Variants in SHANK1 observed in about 807,000 individuals in gnomAD.
SHANK1 encodes SH3 and multiple ankyrin repeat domains 1.
A neutral mutation model predicts 165.6 loss-of-function variants in SHANK1; 35 were observed. The ratio of observed to expected loss-of-function variants is 0.21; its 90% CI spans 0.16 to 0.28. The LOEUF (loss-of-function observed/expected upper bound fraction) is 0.28. Among genes scored for constraint, SHANK1 ranks in the 10% least tolerant of loss-of-function variants. SHANK1 has a pLI of 1.00. For missense variants in SHANK1, 2,681 were observed against 3,036.4 expected (o/e 0.88, Z 2.75); for synonymous variants, 1,428 against 1,384.8 (o/e 1.03, Z -0.69).
intron 19 of SHANK1, among the ~76,000 whole-genome samples, chr19:50,687,346 A>G (rs963743202): frequency 6.6e-5 from 10 of 152,062 alleles, no homozygotes; most frequent in African/African-American, 2.2e-4. Context: ...GGGTACATAC[A>G]GACCCTGAGA....
chr19:50,700,667 GA>G (rs1224486831), intron 12 of SHANK1, among the ~76,000 whole-genome samples: 4 of 152,068 alleles, frequency 2.6e-5, no homozygotes. Context: ...CTTAATGGAA[GA>G]CGAGGATATA....
rs1347899350 is a variant in SHANK1 at position 50,662,218 on chromosome 19, G to A, written c.6233C>T (p.Pro2078Leu). Residue 2078 changes from proline (P) to leucine (L), a missense_variant, in exon 24 of 24, where the codon CCG becomes CTG. Pro to Leu is a moderately conservative substitution (Grantham distance 98, BLOSUM62 -3). Transcript: ENST00000293441. The surrounding 1 kb of genome is among the most constrained non-coding windows in gnomAD (Gnocchi z 7.7). ...ALSGASRSLS[P>L]TRLLSLPPDK... ...CGGGGGCAGCGAGAGCAGGCGGGTC[G>A]GTGAGAGGGAGCGCGAGGCCCCTGA... The A allele has an allele frequency of 5.6e-6, 9 of 1,609,560 alleles. No homozygotes were observed. Among genetic ancestry groups the A allele is most frequent in the East Asian group, 2.2e-5 (1 of 44,774 alleles).
At position 50,662,796 on chromosome 19, in the gene SHANK1, AGGGGGAGAGAC is replaced by A. The variant is rs1389876574; in HGVS notation, c.5769-125_5769-115del. ...GAGAGAGGAGGAGAGACATAAGGGT[AGGGGGAGAGAC>A]GGAGGAGAGACGGGAAGAAATGGAG... is the stretch of plus-strand genomic sequence containing the variant. On this transcript the variant is annotated intron_variant, in intron 23 of 23. Transcript: ENST00000293441. The surrounding 1 kb of genome is among the most constrained non-coding windows in gnomAD (Gnocchi z 7.7). 3.9e-6 allele frequency: 4 copies of A among 1,021,444 alleles called. 1 individual carries two copies. Among genetic ancestry groups the A allele is most frequent in the African/African-American group, 1.8e-5 (1 of 56,756 alleles). The allele number at this position is 1,021,444 out of a possible 1,614,324, so 63.3% of individuals were successfully genotyped here. A position where few individuals can be genotyped will look rare whatever the true frequency, so the allele number is the denominator to read the frequency against.
rs780921290 is a variant in SHANK1 at position 50,716,937 on chromosome 19, A to G, written c.-18T>C. On this transcript the variant is annotated 5_prime_UTR_variant, in exon 2 of 24. Transcript: ENST00000293441. The surrounding 1 kb of genome is among the most constrained non-coding windows in gnomAD (Gnocchi z 8.4). ...TGGGTCATTGTGGGGCCACGGGGCGACGGGGGACGGCAGCATCACAGGCGG... is the reference window on the plus strand; with the variant it reads ...TGGGTCATTGTGGGGCCACGGGGCGGCGGGGGACGGCAGCATCACAGGCGG... 1.4e-6 allele frequency: 2 copies of G among 1,419,254 alleles called. No homozygotes were observed. Among genetic ancestry groups the G allele is most frequent in the Non-Finnish European group, 1.8e-6 (2 of 1,087,314 alleles). 87.9% of individuals were successfully genotyped at this position (1,419,254 alleles called of 1,614,324 possible).
chr19:50,668,578 G>C lies in SHANK1; in HGVS notation c.3382C>G (p.Pro1128Ala). 7.5e-7 allele frequency: 1 copy of C among 1,342,014 alleles called. No homozygotes were observed. The highest frequency in any genetic ancestry group is 1.5e-5 in the African/African-American group (1 of 64,852). The allele number at this position is 1,342,014 out of a possible 1,614,324, so 83.1% of individuals were successfully genotyped here. ...GEPQKGGGLP[P>A]APSPTSPASP... Reference sequence around the variant, plus strand: ...GCCGGGGACGTGGGCGACGGCGCGGGCGGGAGGCCGCCGCCCTTCTGGGGC... The same window carrying C: ...GCCGGGGACGTGGGCGACGGCGCGGCCGGGAGGCCGCCGCCCTTCTGGGGC... The change falls in exon 23 of 24, where the codon CCC becomes GCC. Residue 1128 changes from proline to alanine, a missense_variant. Pro to Ala is a conservative substitution (Grantham distance 27). Transcript: ENST00000293441.
At chr19:50,701,212 T>TTGG in intron 12 of SHANK1, among the ~76,000 whole-genome samples, 1 of 114,976 alleles carries the variant, frequency 8.7e-6, no homozygotes, top group Non-Finnish European at 1.8e-5. Flanking sequence ...TTTTTTTTTT[T>TTGG]GAGATGGAGT....
chr19:50,715,354 G>C (rs1158406479), intron 4 of SHANK1, among the ~76,000 whole-genome samples: 1 of 152,006 alleles, frequency 6.6e-6, no homozygotes, highest in Admixed American at 6.6e-5. Context: ...GATGGATATG[G>C]GGGGAGGCAG....
chr19:50,665,965 C>A (rs1299640063), intron 23 of SHANK1, among the ~76,000 whole-genome samples: 2 of 146,994 alleles, frequency 1.4e-5, no homozygotes, highest in African/African-American at 5.1e-5. Context: ...GAGCCGAGAT[C>A]ACGCCATTGC....
In SHANK1 at chr19:50,688,257, G is replaced by A. The variant is rs1354515466; in HGVS notation, c.2173-199C>T. ...ACCCTCCCTGGCCCCAGGGTTGGGG[G>A]AGAGGCTCAGCCTACCCTATTCACT... On this transcript the variant is annotated intron_variant, in intron 17 of 23. Transcript: ENST00000293441. This position sits in a 1 kb window ranked among gnomAD's most constrained non-coding sequence, Gnocchi z 6.7. Among the ~76,000 whole-genome samples the A allele has an allele frequency of 1.3e-5, 2 of 152,150 alleles. No homozygotes were observed. Among genetic ancestry groups the A allele is most frequent in the Non-Finnish European group, 2.9e-5 (2 of 68,010 alleles).
At position 50,713,162 on chromosome 19, in the gene SHANK1, G is replaced by C. The variant is rs1018210372; in HGVS notation, c.792+636C>G. Among the ~76,000 whole-genome samples, 1 of 152,156 alleles carries C rather than the reference G, an allele frequency of 6.6e-6. No individual in the cohort carries two copies. The highest frequency in any genetic ancestry group is 1.5e-5 in the Non-Finnish European group (1 of 68,028). On this transcript the variant is annotated intron_variant, in intron 6 of 23. Transcript: ENST00000293441. The surrounding 1 kb of genome is among the most constrained non-coding windows in gnomAD (Gnocchi z 6.2). Reference sequence around the variant, plus strand: ...GGGTGCTTCTCAATGGCTGTCTTTGGGGGCAGCCCATCCTGACCCTCATGT... The same window carrying C: ...GGGTGCTTCTCAATGGCTGTCTTTGCGGGCAGCCCATCCTGACCCTCATGT...
intron 21 of SHANK1, among the ~76,000 whole-genome samples, chr19:50,675,061 C>CA (rs10560370): frequency 0.044 from 3,786 of 85,192 alleles, 96 homozygotes; most frequent in African/African-American, 0.058. Flanking sequence ...CACTCGGTCT[C>CA]AAAAAAAAAA....
chr19:50,672,153 TAG>T (rs749308121), intron 21 of SHANK1, 39 bp from the exon 22 acceptor site: 2 of 1,506,522 alleles, frequency 1.3e-6, no homozygotes, highest in Non-Finnish European at 1.8e-6. Flanking sequence ...AGAGAAAAGA[TAG>T]AGAGAGATCA....
At chr19:50,663,958 A>G (rs1291604190) in intron 23 of SHANK1, among the ~76,000 whole-genome samples, 1 of 10,624 alleles carries the variant, frequency 9.4e-5, no homozygotes, top group African/African-American at 5.3e-4. Flanking sequence ...TTTTTTTTTT[A>G]AGACAGGGTC....
rs1334750639 is a variant in SHANK1 at position 50,711,258 on chromosome 19, A to T, written c.1077+113T>A. The T allele has an allele frequency of 6.8e-5, 44 of 643,146 alleles. No homozygotes were observed. The East Asian group carries it at 1.2e-3, about 18-fold the overall frequency. The allele number at this position is 643,146 out of a possible 1,614,324, so 39.8% of individuals were successfully genotyped here. On this transcript the variant is annotated intron_variant, in intron 8 of 23. Coordinates refer to ENST00000293441, the MANE Select transcript of SHANK1 (RefSeq NM_016148.5). ...AATGACTGGATGAAAGGGTGGAAAT[A>T]GTGAAGAAGTGGAGGGTGCAGAGAT... is the stretch of plus-strand genomic sequence containing the variant.
Position 50,665,900 on chromosome 19 carries a change from G to C in SHANK1, c.5768+292C>G, listed in dbSNP as rs567701044. On this transcript the variant is annotated intron_variant, in intron 23 of 23. Coordinates refer to ENST00000293441, the MANE Select transcript of SHANK1 (RefSeq NM_016148.5). ...AATACAAAATTAGCTGGGTGTGGTG[G>C]CATGGGAGGCTGAGGCAGGAGAATC... Among the ~76,000 whole-genome samples the C allele has an allele frequency of 2.7e-5, 3 of 112,316 alleles. No individual in the cohort carries two copies. In the South Asian group the frequency reaches 9.1e-4, roughly 34 times the overall value. 73.7% of individuals were successfully genotyped at this position (112,316 alleles called of 152,430 possible).
chr19:50,666,737 A>G lies in SHANK1; in HGVS notation c.5223T>C (p.Ser1741=), dbSNP rs1242290113. 6 of 1,565,628 alleles carry G rather than the reference A, an allele frequency of 3.8e-6. No individual in the cohort carries two copies. In the Admixed American group the frequency reaches 5.7e-5, roughly 15 times the overall value. The change falls in exon 23 of 24, where the codon AGT becomes AGC. Residue 1741 remains serine (S), a synonymous_variant. Transcript: ENST00000293441. The part of the protein sequence containing the change: ...YLDGQAFGGS[S]TPGPPYPPQL... ...GAGGAGGGTATGGCGGGCCGGGAGT[A>G]CTGCTGCCCCCAAAGGCCTGGCCGT... is the stretch of plus-strand genomic sequence containing the variant.
chr19:50,686,363 T>C lies in SHANK1; in HGVS notation c.2459-8A>G. On this transcript the variant is annotated splice_polypyrimidine_tract_variant and splice_region_variant and intron_variant, in intron 20 of 23. Transcript: ENST00000293441. This position sits in a 1 kb window ranked among gnomAD's most constrained non-coding sequence, Gnocchi z 5.7. ...GGATTTCGTCCAGTTTGTCTAGGGG[T>C]AGATGAATGAACAGAGGTGGGAAGA... 1 of 1,561,350 alleles carries C rather than the reference T, an allele frequency of 6.4e-7. No individual in the cohort carries two copies.
At chr19:50,674,387 T>A (rs1169701227) in intron 21 of SHANK1, among the ~76,000 whole-genome samples, 1 of 152,126 alleles carries the variant, frequency 6.6e-6, no homozygotes, top group Non-Finnish European at 1.5e-5. Flanking sequence ...CCTCTCGGAA[T>A]GAAGTTCGCA....
chr19:50,693,585 A>G (rs114141711), intron 15 of SHANK1, among the ~76,000 whole-genome samples: 2,819 of 151,278 alleles, frequency 0.019, 104 homozygotes, highest in African/African-American at 0.064. Flanking sequence ...CCCCACCCCA[A>G]CGTCCCTCTC....
Sources: allele counts gnomAD v4.1 joint callset (sites outside exome capture counted in the v4.1 genomes callset), GRCh38; gene constraint gnomAD v4.1.1; non-coding constraint Gnocchi (gnomAD v3.1); transcripts MANE v1.5; gene names NCBI Gene and HGNC (gene_info 2026-07-23, HGNC 2026-07-21).